TENM4: variants seen among roughly 807,000 people sequenced by gnomAD.
TENM4 encodes teneurin-4.
Under a neutral mutation model 243.3 loss-of-function variants are expected in TENM4, and 82 were observed. The ratio of observed to expected loss-of-function variants is 0.34; its 90% CI spans 0.28 to 0.40. TENM4 has a LOEUF of 0.40. TENM4 is among the 10% of genes least tolerant of loss of function. The pLI, the probability that TENM4 is intolerant of heterozygous loss-of-function variation, is 1.00. For missense variants in TENM4, 3,138 were observed against 3,673.3 expected, an observed-to-expected ratio of 0.85 and a Z score of 3.77; for synonymous variants, 1,412 against 1,456.3, an observed-to-expected ratio of 0.97 and a Z score of 0.69.
At chr11:78,933,249 A>G (rs1335414144) in intron 6 of TENM4, among the ~76,000 whole-genome samples, 3 of 152,078 alleles carry the variant, frequency 2.0e-5, no homozygotes, top group Admixed American at 2.0e-4. Flanking sequence ...TCCTCTAAAG[A>G]GCTGAGGAGA....
chr11:79,035,406 A>G (rs1859351275), intron 6 of TENM4, among the ~76,000 whole-genome samples: 1 of 151,986 alleles, frequency 6.6e-6, no homozygotes, highest in African/African-American at 2.4e-5. Flanking sequence ...GCTCTGTGTC[A>G]CTCTGCTGTG....
At chr11:79,367,835 C>A (rs1857705811) in intron 1 of TENM4, among the ~76,000 whole-genome samples, 1 of 152,182 alleles carries the variant, frequency 6.6e-6, no homozygotes, top group South Asian at 2.1e-4. Context: ...CAAAAAGCAA[C>A]AATTTGCAAA....
chr11:79,082,432 C>A lies in TENM4; in HGVS notation c.-65-12423G>T, dbSNP rs1245690375. Among the ~76,000 whole-genome samples, 2 of 152,124 alleles carry A rather than the reference C, an allele frequency of 1.3e-5. 1 individual carries two copies. Among genetic ancestry groups the A allele is most frequent in the Non-Finnish European group, 2.9e-5 (2 of 68,020 alleles). ...GTTGTGACTGGCAGTCAGCCGCATC[C>A]CAGCAAGTGAAAAGCCAGAAGCTGT... On this transcript the variant is annotated intron_variant, in intron 4 of 33. Transcript: ENST00000278550.
intron 12 of TENM4, among the ~76,000 whole-genome samples, chr11:78,822,009 T>A (rs1262472014): frequency 1.3e-5 from 2 of 151,420 alleles, no homozygotes; most frequent in Non-Finnish European, 2.9e-5. Flanking sequence ...AATATCTGAC[T>A]CAAAGCAGGT....
intron 2 of TENM4, among the ~76,000 whole-genome samples, chr11:79,242,632 T>G (rs1217879961): frequency 6.6e-6 from 1 of 152,246 alleles, no homozygotes; most frequent in Non-Finnish European, 1.5e-5. Flanking sequence ...ACATCATTTT[T>G]AACGGCTACA....
chr11:79,216,305 G>T (rs1213547145), intron 2 of TENM4, among the ~76,000 whole-genome samples: 2 of 152,212 alleles, frequency 1.3e-5, no homozygotes, highest in Non-Finnish European at 2.9e-5. Context: ...AGTAGGAACT[G>T]CGTGTTATTT....
At chr11:78,910,421 G>C (rs192585571) in intron 6 of TENM4, among the ~76,000 whole-genome samples, 66 of 152,168 alleles carry the variant, frequency 4.3e-4, no homozygotes, top group Non-Finnish European at 7.1e-4. Context: ...TGGTGATGTA[G>C]CAGTGCTGAG....
intron 2 of TENM4, among the ~76,000 whole-genome samples, chr11:79,258,973 G>T (rs1855746607): frequency 6.6e-6 from 1 of 152,178 alleles, no homozygotes; most frequent in African/African-American, 2.4e-5. Flanking sequence ...GCCAGGGATA[G>T]TTTCTTCATT....
intron 1 of TENM4, among the ~76,000 whole-genome samples, chr11:79,424,459 T>C (rs995917018): frequency 6.6e-6 from 1 of 152,028 alleles, no homozygotes; most frequent in African/African-American, 2.4e-5. Context: ...AAAACAAAAA[T>C]TAGCCAGGTA....
chr11:78,763,391 A>G (rs867822714), intron 18 of TENM4, among the ~76,000 whole-genome samples: 30 of 152,216 alleles, frequency 2.0e-4, no homozygotes, highest in Admixed American at 5.2e-4. Flanking sequence ...GGGGGAAAAA[A>G]AGAAGGGGGG....
chr11:79,039,534 A>G (rs906409699), intron 6 of TENM4, among the ~76,000 whole-genome samples: 2 of 152,196 alleles, frequency 1.3e-5, no homozygotes, highest in Non-Finnish European at 2.9e-5. Flanking sequence ...GGTCCTGCAC[A>G]TGGTCCCCAG....
chr11:78,962,883 T>C (rs568114885), intron 6 of TENM4, among the ~76,000 whole-genome samples: 40 of 152,360 alleles, frequency 2.6e-4, no homozygotes, highest in African/African-American at 9.1e-4. Context: ...CTGGAGAGAA[T>C]GATTCAAGGC....
chr11:79,255,115 G>A (rs1260121294), intron 2 of TENM4, among the ~76,000 whole-genome samples: 1 of 152,204 alleles, frequency 6.6e-6, no homozygotes, highest in African/African-American at 2.4e-5. Flanking sequence ...CGCAGAATTG[G>A]GGGCGTGGTG....
chr11:79,411,941 G>A (rs1293270846), intron 1 of TENM4, among the ~76,000 whole-genome samples: 1 of 152,202 alleles, frequency 6.6e-6, no homozygotes, highest in African/African-American at 2.4e-5. Context: ...ATCTTCAAGA[G>A]GAAATTCTAT....
chr11:79,324,126 A>C (rs1856936395), intron 1 of TENM4, among the ~76,000 whole-genome samples: 1 of 152,196 alleles, frequency 6.6e-6, no homozygotes. Flanking sequence ...TATAATGCCT[A>C]ATATAATGTA....
intron 6 of TENM4, among the ~76,000 whole-genome samples, chr11:79,006,192 T>C (rs995740515): frequency 1.3e-5 from 2 of 152,056 alleles, no homozygotes; most frequent in Non-Finnish European, 2.9e-5. Context: ...TCTTTTCCCC[T>C]CCCTAATCAG....
At chr11:78,744,618 T>C (rs914787603) in intron 19 of TENM4, among the ~76,000 whole-genome samples, 1 of 152,224 alleles carries the variant, frequency 6.6e-6, no homozygotes, top group East Asian at 1.9e-4. Context: ...GGCTTCACAA[T>C]TCAGGGTTCA....
intron 15 of TENM4, among the ~76,000 whole-genome samples, chr11:78,792,219 T>C (rs1857070924): frequency 6.6e-6 from 1 of 152,202 alleles, no homozygotes; most frequent in Non-Finnish European, 1.5e-5. Context: ...AATGTGTTCC[T>C]GAAGAATGAA....
chr11:78,729,787 G>T, intron 21 of TENM4, 144 bp from the exon 22 acceptor site: 1 of 1,093,318 alleles, frequency 9.1e-7, no homozygotes, highest in Non-Finnish European at 1.3e-6. Context: ...AGAGGAGACA[G>T]TGGAAAGAAG....
Sources: allele counts gnomAD v4.1 joint callset (sites outside exome capture counted in the v4.1 genomes callset), GRCh38; gene constraint gnomAD v4.1.1; transcripts MANE v1.5; gene names NCBI Gene and HGNC (gene_info 2026-07-23, HGNC 2026-07-21).